The following PLPP1 variants were observed in gnomAD, a reference collection of about 807,000 sequenced individuals.
PLPP1 encodes lipid phosphate phosphohydrolase 1a.
PLPP1 carries 24 observed loss-of-function variants against 31.2 expected under a neutral mutation model. That is an observed-to-expected ratio of 0.77 (90% CI 0.56 to 1.08). The LOEUF is 1.08. Ranked by LOEUF, PLPP1 falls within the 50% of genes least tolerant of loss-of-function variation. PLPP1 has a pLI of 0.00. For missense variants in PLPP1, 319 were observed against 342.7 expected, an observed-to-expected ratio of 0.93 and a Z score of 0.55; for synonymous variants, 146 against 126.3, an observed-to-expected ratio of 1.16 and a Z score of -1.05.
At chr5:55,449,229 A>G (rs968881771) in intron 3 of PLPP1, among the ~76,000 whole-genome samples, 4 of 152,246 alleles carry the variant, frequency 2.6e-5, no homozygotes, top group African/African-American at 9.6e-5. Flanking sequence ...ACATAGCAAA[A>G]TGACTGAAAG....
rs1751146715 is a variant in PLPP1, at chr5:55,425,263, T to C, written c.798A>G (p.Thr266=). The change falls in exon 6 of 6, where the codon ACA becomes ACG. Residue 266 remains threonine, a synonymous_variant. Coordinates refer to ENST00000307259, the MANE Select transcript of PLPP1 (RefSeq NM_003711.4). ...FKERKEEDSH[T]TLHETPTTGN... is the part of the protein sequence containing the mutation. Reference sequence around the variant, plus strand: ...CAGTTGTTGGTGTTTCATGCAGAGTTGTATGAGAGTCCTCCTCTTTTCTTT... The same window carrying C: ...CAGTTGTTGGTGTTTCATGCAGAGTCGTATGAGAGTCCTCCTCTTTTCTTT... 6.2e-7 allele frequency: 1 copy of C among 1,613,228 alleles called. No individual in the cohort carries two copies. The highest frequency in any genetic ancestry group is 8.5e-7 in the Non-Finnish European group (1 of 1,179,410).
intron 3 of PLPP1, among the ~76,000 whole-genome samples, chr5:55,442,852 T>G (rs991071667): frequency 6.6e-6 from 1 of 151,986 alleles, no homozygotes; most frequent in African/African-American, 2.4e-5. Flanking sequence ...ACATTAAAGA[T>G]CTAAGATTTG....
In PLPP1 at chr5:55,489,031, T is replaced by TA. The variant is rs200873393; in HGVS notation, c.59-13582dup. Among the ~76,000 whole-genome samples, 85 of 150,182 alleles carry TA rather than the reference T, an allele frequency of 5.7e-4. 1 individual carries two copies. In the East Asian group the frequency reaches 0.01, roughly 18 times the overall value. Reference sequence around the variant, plus strand: ...CAACATGAAGAAACCCCATCTCTACTAAAAAAAAATACAAAAATTAACTGG... The same window carrying TA: ...CAACATGAAGAAACCCCATCTCTACTAAAAAAAAAATACAAAAATTAACTGG... On this transcript the variant is annotated intron_variant, in intron 1 of 5. Transcript: ENST00000307259.
At chr5:55,427,578 C>T (rs230746) in intron 4 of PLPP1, among the ~76,000 whole-genome samples, 132,639 of 152,198 alleles carry the variant, frequency 0.87, 58,033 homozygotes, top group South Asian at 0.92. Context: ...AGCTAGGACT[C>T]CAAGGTCTTT....
chr5:55,481,608 T>G (rs1041645740), intron 1 of PLPP1, among the ~76,000 whole-genome samples: 1 of 152,102 alleles, frequency 6.6e-6, no homozygotes, highest in East Asian at 1.9e-4. Context: ...AAAGACCCCA[T>G]AGGCAGACCA....
At chr5:55,468,751 C>T (rs1752358736) in intron 2 of PLPP1, among the ~76,000 whole-genome samples, 1 of 152,042 alleles carries the variant, frequency 6.6e-6, no homozygotes, top group East Asian at 1.9e-4. Flanking sequence ...TGCAGTGAGC[C>T]GAGATCATGC....
chr5:55,510,280 T>C (rs1368369751), intron 1 of PLPP1, among the ~76,000 whole-genome samples: 3 of 152,206 alleles, frequency 2.0e-5, no homozygotes, highest in Non-Finnish European at 4.4e-5. Context: ...AATGGCTACA[T>C]ACTATATAGC....
intron 1 of PLPP1, among the ~76,000 whole-genome samples, chr5:55,512,947 C>A (rs1200208493): frequency 1.3e-5 from 2 of 152,160 alleles, no homozygotes; most frequent in South Asian, 2.1e-4. Context: ...GGAGAAGGTT[C>A]CCCTTTGAAG....
At position 55,534,622 on chromosome 5, in the gene PLPP1, T is replaced by C; in HGVS notation, c.8A>G (p.Asp3Gly). The change falls in exon 1 of 6, where the codon GAC becomes GGC. Residue 3 changes from aspartate to glycine, a missense_variant. Physicochemically the swap from Asp to Gly is moderately conservative, Grantham distance 94. Transcript: ENST00000307259. MF[D>G]KTRLPYVALD... ...GGCCACGTACGGCAGCCGCGTCTTG[T>C]CAAACATGGTCTCTGCCCGGGCTGC... 2 of 1,556,962 alleles carry C rather than the reference T, an allele frequency of 1.3e-6. No homozygotes were observed. Among genetic ancestry groups the C allele is most frequent in the African/African-American group, 1.4e-5 (1 of 71,670 alleles).
Position 55,432,972 on chromosome 5 carries a change from A to G in PLPP1, c.550-6933T>C, listed in dbSNP as rs114954392. Among the ~76,000 whole-genome samples, 410 of 152,100 alleles carry G rather than the reference A, an allele frequency of 2.7e-3. 2 individuals carry two copies. The highest frequency in any genetic ancestry group is 3.7e-3 in the Non-Finnish European group (250 of 67,986). On this transcript the variant is annotated intron_variant, in intron 4 of 5. Transcript: ENST00000307259. ...ATGCCTACTTTGACCCCTCCTATTCAGCATAGCAGTGAAGACCTAACCCTG... is the reference window on the plus strand; with the variant it reads ...ATGCCTACTTTGACCCCTCCTATTCGGCATAGCAGTGAAGACCTAACCCTG...
intron 1 of PLPP1, among the ~76,000 whole-genome samples, chr5:55,522,313 C>T (rs1030749355): frequency 2.0e-5 from 3 of 152,224 alleles, no homozygotes; most frequent in Non-Finnish European, 2.9e-5. Flanking sequence ...AAATTAGTTA[C>T]ATCCTCCAGT....
At chr5:55,482,571 C>A (rs192264431) in intron 1 of PLPP1, among the ~76,000 whole-genome samples, 34 of 152,234 alleles carry the variant, frequency 2.2e-4, no homozygotes, top group African/African-American at 7.9e-4. Flanking sequence ...CAGCACAGCG[C>A]CTATGTCCCC....
At chr5:55,505,922 T>C (rs1340631835) in intron 1 of PLPP1, among the ~76,000 whole-genome samples, 1 of 152,170 alleles carries the variant, frequency 6.6e-6, no homozygotes, top group Non-Finnish European at 1.5e-5. Flanking sequence ...CCAGGCATGA[T>C]GGCGCATGCC....
At chr5:55,476,066 T>G (rs1752543325) in intron 1 of PLPP1, among the ~76,000 whole-genome samples, 1 of 151,362 alleles carries the variant, frequency 6.6e-6, no homozygotes, top group East Asian at 1.9e-4. Context: ...GCAGCCTTGA[T>G]CTCCTGGGCT....
At chr5:55,514,307 G>A (rs1325475345) in intron 1 of PLPP1, among the ~76,000 whole-genome samples, 6 of 151,520 alleles carry the variant, frequency 4.0e-5, no homozygotes, top group Admixed American at 6.6e-5. Context: ...ATCAAATTGA[G>A]CCCTGGAGGT....
At chr5:55,523,556 A>G (rs1365795217) in intron 1 of PLPP1, among the ~76,000 whole-genome samples, 1 of 152,174 alleles carries the variant, frequency 6.6e-6, no homozygotes, top group African/African-American at 2.4e-5. Flanking sequence ...CCAAGCTCCT[A>G]AGAGAGTTGT....
intron 2 of PLPP1, among the ~76,000 whole-genome samples, chr5:55,471,901 T>C (rs1169926703): frequency 6.6e-6 from 1 of 151,834 alleles, no homozygotes; most frequent in Non-Finnish European, 1.5e-5. Context: ...GGAGGGCTGC[T>C]TGAGCCCAGG....
intron 2 of PLPP1, among the ~76,000 whole-genome samples, chr5:55,472,557 G>A (rs745628592): frequency 1.6e-4 from 25 of 151,968 alleles, no homozygotes; most frequent in African/African-American, 4.6e-4. Flanking sequence ...CTGAGATCGC[G>A]CCAGTGCACT....
chr5:55,534,719 GGCGACGGCCCCGA>G lies in PLPP1; in HGVS notation c.-103_-91del. ...TGATTCTCGAGCCCGGGCCGGGGCT[GGCGACGGCCCCGA>G]GCTACGGCCCCTCCCAGCCGGAGGA... On this transcript the variant is annotated 5_prime_UTR_variant, in exon 1 of 6. Transcript: ENST00000307259. The G allele has an allele frequency of 1.5e-6, 2 of 1,357,998 alleles. No homozygotes were observed. Among genetic ancestry groups the G allele is most frequent in the Non-Finnish European group, 2.0e-6 (2 of 1,005,480 alleles). 84.1% of individuals were successfully genotyped at this position (1,357,998 alleles called of 1,614,324 possible).
Sources: allele counts gnomAD v4.1 joint callset (sites outside exome capture counted in the v4.1 genomes callset), GRCh38; gene constraint gnomAD v4.1.1; transcripts MANE v1.5; gene names NCBI Gene and HGNC (gene_info 2026-07-23, HGNC 2026-07-21).